Variants in LRBA observed in about 807,000 individuals in gnomAD.
The protein encoded by LRBA is LPS responsive beige-like anchor protein.
A neutral mutation model predicts 330.0 loss-of-function variants in LRBA; 176 were observed. The observed-to-expected ratio is 0.53, with a 90% CI of 0.47 to 0.60. The LOEUF is 0.60. Among genes scored for constraint, LRBA ranks in the 20% least tolerant of loss-of-function variants. The probability of loss-of-function intolerance (pLI) is 0.00; values close to 1 mark genes in which losing one functional copy is unlikely to be tolerated. For missense variants in LRBA, 3,259 were observed against 3,444.8 expected, an observed-to-expected ratio of 0.95 and a Z score of 1.35; for synonymous variants, 1,230 against 1,193.0, an observed-to-expected ratio of 1.03 and a Z score of -0.64.
In LRBA at chr4:151,014,681, G is replaced by A. The variant is rs754537572; in HGVS notation, c.-39C>T. ...TAAAGGACAACTCAGAGTCACCCTG[G>A]GACGGCAGTCGCTGCACTGGTAATG... On this transcript the variant is annotated 5_prime_UTR_variant, in exon 2 of 57. Transcript: ENST00000651943. 7.0e-7 allele frequency: 1 copy of A among 1,432,736 alleles called. No individual in the cohort carries two copies. Among genetic ancestry groups the A allele is most frequent in the South Asian group, 1.2e-5 (1 of 80,656 alleles). The allele number at this position is 1,432,736 out of a possible 1,614,324, so 88.8% of individuals were successfully genotyped here.
At chr4:150,760,245 G>C (rs1734892509) in intron 35 of LRBA, among the ~76,000 whole-genome samples, 1 of 151,942 alleles carries the variant, frequency 6.6e-6, no homozygotes, top group African/African-American at 2.4e-5. Flanking sequence ...TAAAGAATTA[G>C]TCATTATTTC....
intron 47 of LRBA, among the ~76,000 whole-genome samples, chr4:150,356,581 A>T (rs1737874981): frequency 6.6e-6 from 1 of 152,078 alleles, no homozygotes; most frequent in Non-Finnish European, 1.5e-5. Flanking sequence ...ACAGAAAATT[A>T]ACATTTTTTC....
intron 30 of LRBA, 94 bp from the exon 31 acceptor site, chr4:150,817,351 T>G: frequency 8.9e-7 from 1 of 1,127,372 alleles, no homozygotes; most frequent in Admixed American, 2.1e-5. Context: ...AGCTAACTTA[T>G]TTTTCTAATT....
At chr4:150,486,732 T>C (rs1212010109) in intron 42 of LRBA, among the ~76,000 whole-genome samples, 1 of 151,712 alleles carries the variant, frequency 6.6e-6, no homozygotes, top group Admixed American at 6.6e-5. Flanking sequence ...GTAAGATAGA[T>C]CTCTTCAACT....
At position 150,739,983 on chromosome 4, in the gene LRBA, T is replaced by G. The variant is rs536547751; in HGVS notation, c.5646-4617A>C. Reference sequence around the variant, plus strand: ...GCCTAGGATTCCTGACCAAGAAAAATTGAGATAACAAATGTATGTTTCTTT... The same window carrying G: ...GCCTAGGATTCCTGACCAAGAAAAAGTGAGATAACAAATGTATGTTTCTTT... On this transcript the variant is annotated intron_variant, in intron 35 of 56. Coordinates refer to ENST00000651943, the MANE Select transcript of LRBA (RefSeq NM_001364905.1). Among the ~76,000 whole-genome samples the G allele has an allele frequency of 1.2e-4, 19 of 152,152 alleles. No homozygotes were observed. The South Asian group carries it at 3.9e-3, about 32-fold the overall frequency.
intron 37 of LRBA, among the ~76,000 whole-genome samples, chr4:150,655,144 G>T (rs1240030922): frequency 6.6e-6 from 1 of 152,182 alleles, no homozygotes; most frequent in East Asian, 1.9e-4. Flanking sequence ...GGTTGAGTCA[G>T]TTAAACTAGT....
At chr4:150,465,806 A>G (rs1230175684) in intron 44 of LRBA, among the ~76,000 whole-genome samples, 2 of 152,076 alleles carry the variant, frequency 1.3e-5, no homozygotes, top group Non-Finnish European at 2.9e-5. Flanking sequence ...AGAGTTCAGT[A>G]AGTAGATATA....
intron 44 of LRBA, among the ~76,000 whole-genome samples, chr4:150,451,522 A>C (rs529322895): frequency 5.5e-4 from 84 of 152,304 alleles, no homozygotes; most frequent in African/African-American, 2.0e-3. Flanking sequence ...AATAAAAACA[A>C]TATATAAAAA....
intron 37 of LRBA, among the ~76,000 whole-genome samples, chr4:150,639,273 G>A (rs1200817762): frequency 2.8e-5 from 4 of 140,670 alleles, no homozygotes; most frequent in Non-Finnish European, 4.6e-5. Context: ...TGACGAGTTA[G>A]TGGGTGCAGT....
intron 47 of LRBA, among the ~76,000 whole-genome samples, chr4:150,372,474 G>A (rs761677549): frequency 7.4e-5 from 11 of 147,884 alleles, no homozygotes; most frequent in Non-Finnish European, 1.3e-4. Flanking sequence ...AGTGGCACAC[G>A]CTTGTGGTTC....
rs566604895 is a variant in LRBA at position 150,522,163 on chromosome 4, T to C, written c.6331-31128A>G. On this transcript the variant is annotated intron_variant, in intron 40 of 56. Coordinates refer to ENST00000651943, the MANE Select transcript of LRBA (RefSeq NM_001364905.1). ...GTTCTTTTCGGGGCCCCAAGGATGG[T>C]GTCATCTATAAGAAACAGGCTTCCA... Among the ~76,000 whole-genome samples, 6 of 152,128 alleles carry C rather than the reference T, an allele frequency of 3.9e-5. No individual in the cohort carries two copies. The East Asian group carries it at 9.7e-4, about 25-fold the overall frequency.
chr4:150,849,593 A>G lies in LRBA; in HGVS notation c.4005-18T>C. 6.3e-7 allele frequency: 1 copy of G among 1,597,542 alleles called. No individual in the cohort carries two copies. The highest frequency in any genetic ancestry group is 8.6e-7 in the Non-Finnish European group (1 of 1,166,026). On this transcript the variant is annotated intron_variant, in intron 24 of 56. Coordinates refer to ENST00000651943, the MANE Select transcript of LRBA (RefSeq NM_001364905.1). ...TTGAATGGCTGTCCAAAGATAAATGATATTTACTGATAAAGCTAAAGAAAG... is the reference window on the plus strand; with the variant it reads ...TTGAATGGCTGTCCAAAGATAAATGGTATTTACTGATAAAGCTAAAGAAAG...
intron 40 of LRBA, among the ~76,000 whole-genome samples, chr4:150,556,402 C>T (rs573621442): frequency 1.2e-4 from 18 of 152,258 alleles, no homozygotes; most frequent in African/African-American, 2.9e-4. Context: ...TAAAGCTCTA[C>T]GAGGAACCAA....
At chr4:150,458,692 C>T (rs544913960) in intron 44 of LRBA, among the ~76,000 whole-genome samples, 6 of 151,508 alleles carry the variant, frequency 4.0e-5, no homozygotes, top group Admixed American at 2.0e-4. Flanking sequence ...TTATACTGCT[C>T]TTTCTTGTTT....
At chr4:150,813,540 A>T (rs536841084) in intron 31 of LRBA, among the ~76,000 whole-genome samples, 4 of 152,196 alleles carry the variant, frequency 2.6e-5, no homozygotes, top group African/African-American at 9.6e-5. Flanking sequence ...CAAATTCTCA[A>T]TTTTTATGGG....
At chr4:150,643,360 TA>T (rs1388598982) in intron 37 of LRBA, among the ~76,000 whole-genome samples, 1 of 151,686 alleles carries the variant, frequency 6.6e-6, no homozygotes, top group Non-Finnish European at 1.5e-5. Flanking sequence ...TATGAAAAAA[TA>T]ACTTTACCAT....
intron 2 of LRBA, among the ~76,000 whole-genome samples, chr4:150,987,197 C>G (rs1314990175): frequency 1.3e-5 from 2 of 152,112 alleles, no homozygotes; most frequent in Admixed American, 1.3e-4. Context: ...TAAAAGCTCC[C>G]AGGATTGTAA....
chr4:150,828,424 T>G lies in LRBA; in HGVS notation c.4927A>C (p.Thr1643Pro), dbSNP rs528897020. Reference protein sequence around the residue: ...GPDAISEVLSTLSLEVNKSPE... With the variant: ...GPDAISEVLSPLSLEVNKSPE... ...GACTTATTGACTTCTAAAGAAAGAG[T>G]AGATAGCACCTCGCTGATTGCATCT... The change falls in exon 30 of 57, where the codon ACT (threonine) becomes CCT (proline). Residue 1643 changes from threonine (T) to proline (P), a missense_variant. Coordinates refer to ENST00000651943, the MANE Select transcript of LRBA (RefSeq NM_001364905.1). 1.2e-6 allele frequency: 2 copies of G among 1,613,982 alleles called. No homozygotes were observed. The highest frequency in any genetic ancestry group is 1.7e-6 in the Non-Finnish European group (2 of 1,179,976).
chr4:151,009,473 C>T (rs1744546429), intron 2 of LRBA, among the ~76,000 whole-genome samples: 1 of 148,426 alleles, frequency 6.7e-6, no homozygotes, highest in Admixed American at 6.7e-5. Context: ...TGCTTGAACC[C>T]AGGAAGTGGA....
Sources: gnomAD v4.1 joint callset for allele counts (sites outside exome capture counted in the v4.1 genomes callset) on GRCh38, gnomAD v4.1.1 for gene constraint, MANE v1.5 for transcripts, NCBI Gene and HGNC (gene_info 2026-07-23, HGNC 2026-07-21) for gene names.